The following IL1RAPL1 variants were observed in gnomAD, a reference collection of about 807,000 sequenced individuals.
IL1RAPL1 encodes the protein interleukin-1 receptor accessory protein-like 1.
Under a neutral mutation model 48.4 loss-of-function variants are expected in IL1RAPL1, and 3 were observed. That is an observed-to-expected ratio of 0.06 (90% CI 0.03 to 0.16). The LOEUF is 0.16. Ranked by LOEUF, IL1RAPL1 falls within the 10% of genes least tolerant of loss-of-function variation. IL1RAPL1 has a pLI of 1.00. For synonymous variants in IL1RAPL1, 185 were observed against 187.7 expected, an observed-to-expected ratio of 0.99 and a Z score of 0.12; for missense variants, 349 against 530.6, an observed-to-expected ratio of 0.66 and a Z score of 3.36.
chrX:29,386,514 A>G (rs1344162691), intron 3 of IL1RAPL1, among the ~76,000 whole-genome samples: 2 of 108,995 alleles, frequency 1.8e-5, no homozygotes, highest in African/African-American at 6.7e-5. Context: ...CCATTGCTCA[A>G]TACATGTGTT....
At chrX:28,739,829 C>A in intron 1 of IL1RAPL1, among the ~76,000 whole-genome samples, 1 of 110,825 alleles carries the variant, frequency 9.0e-6, no homozygotes, top group East Asian at 2.8e-4. Context: ...TATGATATCC[C>A]CCTCCTTCCC....
At chrX:29,698,233 C>T (rs771238452) in intron 6 of IL1RAPL1, among the ~76,000 whole-genome samples, 18 of 102,442 alleles carry the variant, frequency 1.8e-4, no homozygotes, top group African/African-American at 5.4e-4. Context: ...TGCAGTGGTG[C>T]GGTCTCGGCT....
At chrX:29,740,722 T>C (rs1928175751) in intron 6 of IL1RAPL1, among the ~76,000 whole-genome samples, 1 of 111,971 alleles carries the variant, frequency 8.9e-6, no homozygotes, top group Admixed American at 9.5e-5. Context: ...TCGAACTGTC[T>C]AACTCAACAT....
chrX:29,421,182 G>A (rs1934286349), intron 5 of IL1RAPL1, among the ~76,000 whole-genome samples: 1 of 111,905 alleles, frequency 8.9e-6, no homozygotes, highest in Non-Finnish European at 1.9e-5. Context: ...CTTGTCACAT[G>A]ACCAGGAAAG....
At chrX:28,927,333 A>G (rs1443394417) in intron 2 of IL1RAPL1, among the ~76,000 whole-genome samples, 2 of 111,609 alleles carry the variant, frequency 1.8e-5, no homozygotes, top group Non-Finnish European at 3.8e-5. Flanking sequence ...TTTTGAAATT[A>G]TCTCTCTCCT....
At chrX:28,636,232 T>C (rs1047432068) in intron 1 of IL1RAPL1, among the ~76,000 whole-genome samples, 1 of 111,680 alleles carries the variant, frequency 9.0e-6, no homozygotes, top group Non-Finnish European at 1.9e-5. Flanking sequence ...TAATCCCAAA[T>C]AAGTTTACTC....
At chrX:29,539,861 G>T (rs1488187293) in intron 5 of IL1RAPL1, among the ~76,000 whole-genome samples, 2 of 111,116 alleles carry the variant, frequency 1.8e-5, no homozygotes, top group African/African-American at 6.6e-5. Context: ...CAAGTCCCAG[G>T]TATTTTTTTA....
intron 3 of IL1RAPL1, among the ~76,000 whole-genome samples, chrX:29,367,644 A>G (rs1453031397): frequency 9.3e-6 from 1 of 108,060 alleles, no homozygotes; most frequent in Non-Finnish European, 1.9e-5. Context: ...GCAGTGGTGC[A>G]ATATTGGCTC....
intron 2 of IL1RAPL1, among the ~76,000 whole-genome samples, chrX:28,915,511 A>T (rs1471471723): frequency 8.9e-6 from 1 of 111,956 alleles, no homozygotes; most frequent in Non-Finnish European, 1.9e-5. Context: ...ATAACATCTC[A>T]GGTACTGTTG....
chrX:29,262,588 A>C (rs893516915), intron 2 of IL1RAPL1, among the ~76,000 whole-genome samples: 9 of 109,870 alleles, frequency 8.2e-5, no homozygotes, highest in African/African-American at 3.0e-4. Context: ...TCTTGAACCC[A>C]AGAGACGGAG....
At chrX:29,464,199 T>A (rs1396388305) in intron 5 of IL1RAPL1, among the ~76,000 whole-genome samples, 1 of 112,219 alleles carries the variant, frequency 8.9e-6, no homozygotes, top group Admixed American at 9.5e-5. Flanking sequence ...ATTTAAATAA[T>A]TATTGAATTT....
intron 2 of IL1RAPL1, among the ~76,000 whole-genome samples, chrX:29,016,492 TTTACA>T (rs1260519704): frequency 1.8e-5 from 2 of 111,407 alleles, no homozygotes; most frequent in Non-Finnish European, 1.9e-5. Context: ...TTGTAAGCCC[TTTACA>T]GTAATTAAGA....
Position 29,955,087 on chromosome X carries a change from T to C in IL1RAPL1, c.1373-15T>C. The C allele has an allele frequency of 8.4e-7, 1 of 1,191,639 alleles. No individual in the cohort carries two copies. The highest frequency in any genetic ancestry group is 1.1e-6 in the Non-Finnish European group (1 of 876,921). On this transcript the variant is annotated splice_polypyrimidine_tract_variant and intron_variant, in intron 10 of 10. Transcript: ENST00000378993. ...TCCATTCACTCATTTTGATGCACTC[T>C]TTTATCTTTTGTAGCATACATTGAA... is the stretch of plus-strand genomic sequence containing the variant.
chrX:28,809,765 A>G (rs6630770), intron 2 of IL1RAPL1, among the ~76,000 whole-genome samples: 6,670 of 109,594 alleles, frequency 0.061, 411 homozygotes, highest in East Asian at 0.31. Context: ...AAGACTGAGT[A>G]TATGATTTAC....
At position 29,202,427 on chromosome X, in the gene IL1RAPL1, A is replaced by C. The variant is rs190215951; in HGVS notation, c.83-80511A>C. ...CTGCTACTGGGAATGTAAATTACTT[A>C]AGCCATTCTGGAAAGTAGTTTGGCT... On this transcript the variant is annotated intron_variant, in intron 2 of 10. Coordinates refer to ENST00000378993, the MANE Select transcript of IL1RAPL1 (RefSeq NM_014271.4). 3.3e-3 allele frequency among the ~76,000 whole-genome samples: 368 copies of C among 112,349 alleles called. 2 individuals carry two copies. The highest frequency in any genetic ancestry group is 0.012 in the African/African-American group (357 of 30,978).
chrX:28,767,111 C>T (rs1936250113), intron 1 of IL1RAPL1, among the ~76,000 whole-genome samples: 1 of 111,256 alleles, frequency 9.0e-6, no homozygotes, highest in East Asian at 2.8e-4. Flanking sequence ...TTTTAGGAAC[C>T]TCCAAACTAT....
intron 6 of IL1RAPL1, among the ~76,000 whole-genome samples, chrX:29,892,954 G>C (rs1415247461): frequency 8.9e-6 from 1 of 112,093 alleles, no homozygotes; most frequent in Non-Finnish European, 1.9e-5. Flanking sequence ...AATATAACAT[G>C]ATGGTGCTAA....
intron 2 of IL1RAPL1, among the ~76,000 whole-genome samples, chrX:28,818,231 A>G (rs1029565877): frequency 3.5e-4 from 39 of 110,881 alleles, no homozygotes; most frequent in African/African-American, 1.2e-3. Flanking sequence ...GGGGATTGCT[A>G]TTTTGTTAAG....
chrX:28,759,365 A>G (rs772238548), intron 1 of IL1RAPL1, among the ~76,000 whole-genome samples: 1 of 111,444 alleles, frequency 9.0e-6, no homozygotes, highest in Non-Finnish European at 1.9e-5. Context: ...TCTGAATGCA[A>G]TACTATCTGT....
Sources: gnomAD v4.1 joint callset for allele counts (sites outside exome capture counted in the v4.1 genomes callset) on GRCh38, gnomAD v4.1.1 for gene constraint, MANE v1.5 for transcripts, NCBI Gene and HGNC (gene_info 2026-07-23, HGNC 2026-07-21) for gene names.